PHF21B: variants seen among roughly 807,000 people sequenced by gnomAD.
The protein encoded by PHF21B is PHD finger protein 21B, also known as PHD finger protein 4.
PHF21B carries 22 observed loss-of-function variants against 62.2 expected under a neutral mutation model. The ratio of observed to expected loss-of-function variants is 0.35; its 90% CI spans 0.25 to 0.51. The LOEUF is 0.51. Ranked by LOEUF, PHF21B falls within the 20% of genes least tolerant of loss-of-function variation. The pLI, the probability that PHF21B is intolerant of heterozygous loss-of-function variation, is 0.97. For missense variants in PHF21B, 701 were observed against 707.9 expected, an observed-to-expected ratio of 0.99 and a Z score of 0.11; for synonymous variants, 341 against 314.7, an observed-to-expected ratio of 1.08 and a Z score of -0.88.
chr22:45,004,469 A>G (rs183498987), intron 2 of PHF21B, among the ~76,000 whole-genome samples: 401 of 152,328 alleles, frequency 2.6e-3, no homozygotes, highest in African/African-American at 9.2e-3. Flanking sequence ...TTGCTGTCCC[A>G]TTCCCACGAT....
At chr22:44,918,001 G>A (rs2071469391) in intron 3 of PHF21B, among the ~76,000 whole-genome samples, 1 of 152,264 alleles carries the variant, frequency 6.6e-6, no homozygotes, top group African/African-American at 2.4e-5. Flanking sequence ...GGCAGGCGAT[G>A]TGGCCAGCCT....
intron 2 of PHF21B, among the ~76,000 whole-genome samples, chr22:44,935,857 GCTCTGCCCTGT>G (rs919903529): frequency 7.2e-5 from 11 of 152,194 alleles, no homozygotes; most frequent in African/African-American, 2.4e-4. Context: ...AGAAGGGGTG[GCTCTGCCCTGT>G]CTCTGCCCGC....
intron 9 of PHF21B, among the ~76,000 whole-genome samples, chr22:44,888,710 C>T (rs189207739): frequency 6.6e-6 from 1 of 152,328 alleles, no homozygotes; most frequent in East Asian, 1.9e-4. Flanking sequence ...TGGCCCGTGC[C>T]ACAAGGACAC....
chr22:44,964,332 C>A (rs1332996258), intron 2 of PHF21B, among the ~76,000 whole-genome samples: 3 of 152,170 alleles, frequency 2.0e-5, no homozygotes, highest in African/African-American at 7.2e-5. Context: ...GCAGCCTCGG[C>A]CCGAGGGAGG....
In PHF21B at chr22:44,920,380, C is replaced by T. The variant is rs55759208; in HGVS notation, c.213+18G>A. 13 of 1,589,724 alleles carry T rather than the reference C, an allele frequency of 8.2e-6. No individual in the cohort carries two copies. The East Asian group carries it at 9.1e-5, about 11-fold the overall frequency. On this transcript the variant is annotated intron_variant, in intron 3 of 12. Coordinates refer to ENST00000313237, the MANE Select transcript of PHF21B (RefSeq NM_138415.5). ...ACAGACAGACGGACACCCCAGGGCC[C>T]GCCCGAGGGCTGCTTACCTGAGGTA...
intron 2 of PHF21B, among the ~76,000 whole-genome samples, chr22:44,977,112 CCT>C (rs1375306352): frequency 4.0e-5 from 6 of 151,664 alleles, no homozygotes; most frequent in Non-Finnish European, 8.8e-5. Context: ...AGAATGACAC[CCT>C]GTCTCAAAAA....
At chr22:44,936,870 C>CTTT (rs370585353) in intron 2 of PHF21B, among the ~76,000 whole-genome samples, 7,486 of 128,446 alleles carry the variant, frequency 0.058, 650 homozygotes, top group East Asian at 0.38. Flanking sequence ...CACTTTCTTT[C>CTTT]TTTTTTTTTT....
At chr22:44,885,724 C>G in intron 11 of PHF21B, 139 bp downstream of exon 11, 1 of 1,091,618 alleles carries the variant, frequency 9.2e-7, no homozygotes, top group Non-Finnish European at 1.3e-6. Flanking sequence ...AGGACCGGTC[C>G]CAGGATCCCA....
At chr22:44,920,573 G>C in intron 2 of PHF21B, 83 bp from the exon 3 acceptor site, 1 of 982,144 alleles carries the variant, frequency 1.0e-6, no homozygotes, top group Non-Finnish European at 1.5e-6. Context: ...CAAGCAGGGG[G>C]CAGCTGCCTT....
At chr22:44,889,289 AGGGGGT>A (rs1217190095) in intron 9 of PHF21B, among the ~76,000 whole-genome samples, 1 of 7,436 alleles carries the variant, frequency 1.3e-4, no homozygotes, top group African/African-American at 5.1e-4. Context: ...GGTAGGGGGT[AGGGGGT>A]GGGGGCCCCA....
intron 6 of PHF21B, among the ~76,000 whole-genome samples, chr22:44,894,904 T>C (rs1382673058): frequency 1.3e-5 from 2 of 152,166 alleles, no homozygotes; most frequent in African/African-American, 4.8e-5. Context: ...GGATGAGCTG[T>C]GTGACCTCAG....
intron 5 of PHF21B, among the ~76,000 whole-genome samples, chr22:44,909,701 G>A (rs1048747132): frequency 3.9e-5 from 6 of 152,220 alleles, no homozygotes; most frequent in Non-Finnish European, 8.8e-5. Context: ...ACTGCTCTGG[G>A]TGTGTGGAAT....
chr22:44,987,549 G>A (rs1397022358), intron 2 of PHF21B, among the ~76,000 whole-genome samples: 1 of 152,118 alleles, frequency 6.6e-6, no homozygotes, highest in Non-Finnish European at 1.5e-5. Context: ...GTCCAACGTG[G>A]GACCTGAGAG....
chr22:44,916,773 C>CTGTG, intron 3 of PHF21B, 143 bp from the exon 4 acceptor site: 1 of 784,738 alleles, frequency 1.3e-6, no homozygotes, highest in Non-Finnish European at 2.1e-6. Context: ...GGCCTCACAG[C>CTGTG]AGGTGAGACC....
chr22:44,916,313 T>G lies in PHF21B; in HGVS notation c.531A>C (p.Lys177Asn). ...TAVSVVSDSI[K>N]VQPLLISADN... ...CAGCACTGATGAGGAGGGGCTGGAC[T>G]TTGATGCTGTCACTGACCACAGACA... Residue 177 changes from lysine (K) to asparagine (N), a missense_variant, in exon 4 of 13, where the codon AAA becomes AAC. By Grantham distance (94) the Lys-to-Asn change is moderately conservative. Coordinates refer to ENST00000313237, the MANE Select transcript of PHF21B (RefSeq NM_138415.5). 1 of 1,601,400 alleles carries G rather than the reference T, an allele frequency of 6.2e-7. No homozygotes were observed. The highest frequency in any genetic ancestry group is 8.5e-7 in the Non-Finnish European group (1 of 1,177,372).
intron 2 of PHF21B, among the ~76,000 whole-genome samples, chr22:44,957,540 C>A (rs2072326178): frequency 6.6e-6 from 1 of 152,128 alleles, no homozygotes; most frequent in African/African-American, 2.4e-5. Flanking sequence ...CAATAGTCAG[C>A]CCTCTCTTTC....
rs1190391126 is a variant in PHF21B, at chr22:45,009,083, G to A, written c.54+413C>T. On this transcript the variant is annotated intron_variant, in intron 1 of 12. Transcript: ENST00000313237. This position sits in a 1 kb window ranked among gnomAD's most constrained non-coding sequence, Gnocchi z 5.9. The stretch of plus-strand genomic sequence containing the variant: ...GCCGCCACGCCGCCGCTCGCCAGCA[G>A]CGATCGCCAAAACTACTTCTGCACA... The A allele has an allele frequency of 7.3e-6, 8 of 1,097,262 alleles. No homozygotes were observed. The highest frequency in any genetic ancestry group is 3.7e-4 in the Middle Eastern group (1 of 2,736). The allele number at this position is 1,097,262 out of a possible 1,614,324, so 68.0% of individuals were successfully genotyped here. A position where few individuals can be genotyped will look rare whatever the true frequency, so the allele number is the denominator to read the frequency against.
intron 2 of PHF21B, among the ~76,000 whole-genome samples, chr22:44,945,504 TC>T (rs772537564): frequency 2.6e-4 from 39 of 152,258 alleles, no homozygotes; most frequent in Non-Finnish European, 4.7e-4. Context: ...GGGGCCTGTT[TC>T]CCAGCACAGT....
intron 2 of PHF21B, chr22:44,989,353 G>C (rs1417435730): frequency 6.6e-6 from 1 of 152,122 alleles, no homozygotes; most frequent in African/African-American, 2.4e-5. Context: ...GATTTTATTT[G>C]TGGGTGCCCT....
Sources: gnomAD v4.1 joint callset for allele counts (sites outside exome capture counted in the v4.1 genomes callset) on GRCh38, gnomAD v4.1.1 for gene constraint, Gnocchi (gnomAD v3.1) non-coding constraint, MANE v1.5 for transcripts, NCBI Gene and HGNC (gene_info 2026-07-23, HGNC 2026-07-21) for gene names.